Variants in FAM110A observed in about 807,000 individuals in gnomAD.
The protein encoded by FAM110A is protein FAM110A.
In FAM110A, 1 loss-of-function variant was observed where a neutral mutation model predicts 4.0. That is an observed-to-expected ratio of 0.25 (90% CI 0.09 to 1.20). The LOEUF (loss-of-function observed/expected upper bound fraction) is 1.20. Ranked by LOEUF, FAM110A falls within the 50% of genes most tolerant of loss-of-function variation. The probability of loss-of-function intolerance (pLI) is 0.50; values close to 1 mark genes in which losing one functional copy is unlikely to be tolerated. For synonymous variants in FAM110A, 217 were observed against 196.8 expected, an observed-to-expected ratio of 1.10 and a Z score of -0.86; for missense variants, 436 against 429.2, an observed-to-expected ratio of 1.02 and a Z score of -0.14.
At chr20:836,660 T>G (rs754826974) in intron 1 of FAM110A, among the ~76,000 whole-genome samples, 4 of 152,246 alleles carry the variant, frequency 2.6e-5, no homozygotes, top group Non-Finnish European at 5.9e-5. Flanking sequence ...AATGCTGCTT[T>G]GAGCATGAAT....
In FAM110A at chr20:845,638, C is replaced by G. The variant is rs1480251020; in HGVS notation, c.834C>G (p.Ile278Met). 6.2e-7 allele frequency: 1 copy of G among 1,614,016 alleles called. No homozygotes were observed. Among genetic ancestry groups the G allele is most frequent in the Non-Finnish European group, 8.5e-7 (1 of 1,180,038 alleles). ...VSVVERNARV[I>M]KWLYGLRQAR... ...TGGTGGAGCGCAATGCCCGCGTGAT[C>G]AAGTGGTTGTATGGGCTAAGGCAGG... The change falls in exon 2 of 2, where the codon ATC (isoleucine) becomes ATG (methionine). Residue 278 changes from isoleucine to methionine, a missense_variant. Physicochemically the swap from Ile to Met is conservative, Grantham distance 10 (BLOSUM62 1). Transcript: ENST00000381941.
chr20:842,156 A>G (rs1445617283), intron 1 of FAM110A, among the ~76,000 whole-genome samples: 1 of 152,214 alleles, frequency 6.6e-6, no homozygotes, highest in Non-Finnish European at 1.5e-5. Context: ...GAGTCTGTAA[A>G]GAGGCGAAGC....
chr20:839,839 T>G (rs1600007511), intron 1 of FAM110A: 1 of 1,605,280 alleles, frequency 6.2e-7, no homozygotes, highest in East Asian at 2.2e-5. Context: ...TGCATGGCCT[T>G]CATGACGTGA....
In FAM110A at chr20:834,297, C is replaced by T. The variant is rs1979463755; in HGVS notation, c.-98+346C>T. Among the ~76,000 whole-genome samples, 1 of 152,232 alleles carries T rather than the reference C, an allele frequency of 6.6e-6. No individual in the cohort carries two copies. Among genetic ancestry groups the T allele is most frequent in the South Asian group, 2.1e-4 (1 of 4,838 alleles). ...CCCCACACTGTCCTCGGGATACCCC[C>T]TTTGGGCGTCTGTCTTTCCTTCTCC... On this transcript the variant is annotated intron_variant, in intron 1 of 1. Transcript: ENST00000381941. This position sits in a 1 kb window ranked among gnomAD's most constrained non-coding sequence, Gnocchi z 5.6.
At chr20:842,174 G>T (rs188083674) in intron 1 of FAM110A, among the ~76,000 whole-genome samples, 1 of 152,206 alleles carries the variant, frequency 6.6e-6, no homozygotes, top group Admixed American at 6.5e-5. Flanking sequence ...AGCTGCTTGC[G>T]CAAGGCGCAC....
In FAM110A at chr20:840,253, C is replaced by T. The variant is rs558198743; in HGVS notation, c.-97-4455C>T. Among the ~76,000 whole-genome samples the T allele has an allele frequency of 1.3e-5, 2 of 152,202 alleles. No homozygotes were observed. The highest frequency in any genetic ancestry group is 2.4e-5 in the African/African-American group (1 of 41,528). On this transcript the variant is annotated intron_variant, in intron 1 of 1. Transcript: ENST00000381941. The surrounding 1 kb of genome is among the most constrained non-coding windows in gnomAD (Gnocchi z 4.4). ...AAGGAAAGCTGATGTGCATCACTGC[C>T]GGTCTCCTCATGCCCTGTACCCTAG...
intron 1 of FAM110A, chr20:839,846 G>C: frequency 3.1e-6 from 5 of 1,605,548 alleles, no homozygotes; most frequent in Non-Finnish European, 3.4e-6. Flanking sequence ...CCTTCATGAC[G>C]TGAAGGTTGG....
chr20:844,890 T>C lies in FAM110A; in HGVS notation c.86T>C (p.Leu29Pro). Reference sequence around the variant, plus strand: ...CGGACCAGGGTCCCTGGCTACCTGCTACGGGGGCCGGCAGATGGTGGAGCC... The same window carrying C: ...CGGACCAGGGTCCCTGGCTACCTGCCACGGGGGCCGGCAGATGGTGGAGCC... ...RLRTRVPGYL[L>P]RGPADGGARK... is the part of the protein sequence containing the mutation. The change falls in exon 2 of 2, where the codon CTA (leucine) becomes CCA (proline). Residue 29 changes from leucine to proline, a missense_variant. By Grantham distance (98) the Leu-to-Pro change is moderately conservative (BLOSUM62 -3). Coordinates refer to ENST00000381941, the MANE Select transcript of FAM110A (RefSeq NM_001042353.3). The C allele has an allele frequency of 6.4e-7, 1 of 1,554,324 alleles. No individual in the cohort carries two copies. The highest frequency in any genetic ancestry group is 8.7e-7 in the Non-Finnish European group (1 of 1,149,942).
intron 1 of FAM110A, among the ~76,000 whole-genome samples, chr20:837,966 G>C (rs1418441507): frequency 1.3e-5 from 2 of 151,704 alleles, no homozygotes; most frequent in Non-Finnish European, 2.9e-5. Context: ...AATAATAACT[G>C]TACAGTGGAG....
At position 844,558 on chromosome 20, in the gene FAM110A, T is replaced by C. The variant is rs1600016206; in HGVS notation, c.-97-150T>C. Reference sequence around the variant, plus strand: ...TGGGTGGGGCCTGAGGCCCCGCAGCTGCTGCCTTGTGCCTGCTGATTGGCT... The same window carrying C: ...TGGGTGGGGCCTGAGGCCCCGCAGCCGCTGCCTTGTGCCTGCTGATTGGCT... On this transcript the variant is annotated intron_variant, in intron 1 of 1. Transcript: ENST00000381941. 9.1e-6 allele frequency: 4 copies of C among 441,902 alleles called. No individual in the cohort carries two copies. The East Asian group carries it at 1.5e-4, about 16-fold the overall frequency. 27.4% of individuals were successfully genotyped at this position (441,902 alleles called of 1,614,324 possible).
At chr20:844,594 G>A (rs1487544787) in intron 1 of FAM110A, 114 bp from the exon 2 acceptor site, 1 of 623,522 alleles carries the variant, frequency 1.6e-6, no homozygotes, top group Non-Finnish European at 2.3e-6. Context: ...CCTTGTGGAG[G>A]GGCGTGGTCT....
Position 840,912 on chromosome 20 carries a change from C to G in FAM110A, c.-97-3796C>G, listed in dbSNP as rs1979850770. Among the ~76,000 whole-genome samples the G allele has an allele frequency of 6.6e-6, 1 of 152,152 alleles. No homozygotes were observed. Among genetic ancestry groups the G allele is most frequent in the African/African-American group, 2.4e-5 (1 of 41,436 alleles). ...AAGATTAAAATGGGTTACCCGATAC[C>G]AAGAAAAACACTTTCCCGTGCCTGG... is the stretch of plus-strand genomic sequence containing the variant. On this transcript the variant is annotated intron_variant, in intron 1 of 1. Coordinates refer to ENST00000381941, the MANE Select transcript of FAM110A (RefSeq NM_001042353.3). The surrounding 1 kb of genome is among the most constrained non-coding windows in gnomAD (Gnocchi z 4.4).
At chr20:843,357 G>A (rs1375884602) in intron 1 of FAM110A, among the ~76,000 whole-genome samples, 1 of 152,160 alleles carries the variant, frequency 6.6e-6, no homozygotes, top group Non-Finnish European at 1.5e-5. Flanking sequence ...GCTGTCCAAT[G>A]TAGCTTCCTA....
intron 1 of FAM110A, 107 bp from the exon 2 acceptor site, chr20:844,601 G>T: frequency 8.3e-6 from 6 of 723,142 alleles, no homozygotes; most frequent in Non-Finnish European, 1.2e-5. Flanking sequence ...GAGGGGCGTG[G>T]TCTCTACCTT....
chr20:843,462 A>C (rs1045353014), intron 1 of FAM110A, among the ~76,000 whole-genome samples: 3 of 152,248 alleles, frequency 2.0e-5, no homozygotes, highest in African/African-American at 7.2e-5. Context: ...AGTGTAGCTC[A>C]GGAACTGAAT....
Position 845,670 on chromosome 20 carries a change from A to T in FAM110A, c.866A>T (p.Glu289Val), listed in dbSNP as rs1414467775. The T allele has an allele frequency of 1.2e-6, 2 of 1,614,060 alleles. No homozygotes were observed. The highest frequency in any genetic ancestry group is 2.2e-5 in the South Asian group (2 of 91,082). ...KWLYGLRQAR[E>V]SPAAEG ...TTGTATGGGCTAAGGCAGGCTCGGGAGAGCCCAGCAGCTGAAGGCTAGGCG... is the reference window on the plus strand; with the variant it reads ...TTGTATGGGCTAAGGCAGGCTCGGGTGAGCCCAGCAGCTGAAGGCTAGGCG... Residue 289 changes from glutamate (E) to valine (V), a missense_variant, in exon 2 of 2, where the codon GAG becomes GTG. Glu to Val is a moderately radical substitution (Grantham distance 121, BLOSUM62 -2). Coordinates refer to ENST00000381941, the MANE Select transcript of FAM110A (RefSeq NM_001042353.3).
intron 1 of FAM110A, among the ~76,000 whole-genome samples, chr20:837,058 T>TTG (rs1979617856): frequency 7.0e-6 from 1 of 143,564 alleles, no homozygotes; most frequent in Admixed American, 6.8e-5. Context: ...TTTTTTTTTT[T>TTG]TTTTTTTTTT....
In FAM110A at chr20:845,293, T is replaced by C; in HGVS notation, c.489T>C (p.Pro163=). The C allele has an allele frequency of 6.6e-7, 1 of 1,511,454 alleles. No individual in the cohort carries two copies. The highest frequency in any genetic ancestry group is 2.5e-5 in the East Asian group (1 of 39,404). 93.6% of individuals were successfully genotyped at this position (1,511,454 alleles called of 1,614,324 possible). Residue 163 remains proline, a synonymous_variant, in exon 2 of 2, where the codon CCT becomes CCC. Transcript: ENST00000381941. ...RVDVRPLPAS[P]ARPCPSPGPA... is the part of the protein sequence containing the mutation. Reference sequence around the variant, plus strand: ...ACGTCCGCCCCCTGCCCGCCTCGCCTGCCCGGCCCTGCCCATCACCCGGCC... The same window carrying C: ...ACGTCCGCCCCCTGCCCGCCTCGCCCGCCCGGCCCTGCCCATCACCCGGCC...
chr20:844,928 G>T lies in FAM110A; in HGVS notation c.124G>T (p.Ala42Ser). ...AGATGGTGGAGCCCGGAAACCGAGC[G>T]CTGTGGAGCGCCTGGAGGCCGACAA... ...PADGGARKPS[A>S]VERLEADKAK... Residue 42 changes from alanine (A) to serine (S), a missense_variant, in exon 2 of 2, where the codon GCT becomes TCT. Transcript: ENST00000381941. The T allele has an allele frequency of 3.8e-6, 6 of 1,579,422 alleles. No individual in the cohort carries two copies. Among genetic ancestry groups the T allele is most frequent in the Non-Finnish European group, 5.2e-6 (6 of 1,163,704 alleles).
Sources: allele counts gnomAD v4.1 joint callset (sites outside exome capture counted in the v4.1 genomes callset), GRCh38; gene constraint gnomAD v4.1.1; non-coding constraint Gnocchi (gnomAD v3.1); transcripts MANE v1.5; gene names NCBI Gene and HGNC (gene_info 2026-07-23, HGNC 2026-07-21).